Variants in CATSPERT observed in about 807,000 individuals in gnomAD.
The protein encoded by CATSPERT is catsper channel auxiliary subunit tau.
chr2:201,497,892 T>C, the CATSPERT span, among the ~76,000 whole-genome samples: 1 of 152,206 alleles, frequency 6.6e-6, no homozygotes, highest in East Asian at 1.9e-4. Context: ...GAAAGAACCA[T>C]GGCAATACTA....
At chr2:201,552,749 C>T in the CATSPERT span, 2 of 152,114 alleles carry the variant, frequency 1.3e-5, no homozygotes. Flanking sequence ...TTTGCAACAG[C>T]CTCAATTACA....
chr2:201,584,610 C>T, the CATSPERT span, among the ~76,000 whole-genome samples: 273 of 151,964 alleles, frequency 1.8e-3, no homozygotes, highest in African/African-American at 6.3e-3. Flanking sequence ...TGGTGAAACC[C>T]CATCTTTACT....
chr2:201,547,319 A>T, the CATSPERT span, among the ~76,000 whole-genome samples: 190 of 152,164 alleles, frequency 1.2e-3, no homozygotes, highest in African/African-American at 4.4e-3. Context: ...TAACTATTAA[A>T]CCCTATAAAT....
chr2:201,611,459 C>T, the CATSPERT span, among the ~76,000 whole-genome samples: 130 of 152,096 alleles, frequency 8.5e-4, no homozygotes, highest in Middle Eastern at 3.4e-3. Context: ...TGGGATGCTG[C>T]GAAAGCAGTT....
chr2:201,535,844 A>G, the CATSPERT span: 1 of 1,474,596 alleles, frequency 6.8e-7, no homozygotes, highest in Non-Finnish European at 8.9e-7. Context: ...CTTGAGCTCA[A>G]GGCCTTCTTT....
chr2:201,532,251 T>A, the CATSPERT span, among the ~76,000 whole-genome samples: 1 of 152,206 alleles, frequency 6.6e-6, no homozygotes. Flanking sequence ...TTTTTGAATA[T>A]AAGCTCCACA....
the CATSPERT span, chr2:201,536,160 G>C: frequency 6.2e-7 from 1 of 1,613,524 alleles, no homozygotes; most frequent in Non-Finnish European, 8.5e-7. Context: ...TATTCTGCCT[G>C]CTTTTATTGT....
the CATSPERT span, among the ~76,000 whole-genome samples, chr2:201,568,901 T>C: frequency 6.6e-6 from 1 of 152,192 alleles, no homozygotes; most frequent in Non-Finnish European, 1.5e-5. Context: ...AAATAACCAC[T>C]GGATATGTTC....
chr2:201,525,891 C>T, the CATSPERT span, among the ~76,000 whole-genome samples: 2 of 152,042 alleles, frequency 1.3e-5, no homozygotes, highest in East Asian at 3.8e-4. Context: ...TTCCTGGATA[C>T]ATACAACCTC....
At chr2:201,540,128 G>T in the CATSPERT span, among the ~76,000 whole-genome samples, 2 of 152,150 alleles carry the variant, frequency 1.3e-5, no homozygotes, top group African/African-American at 4.8e-5. Context: ...TGAGAGGTGA[G>T]GTGGCTGCAG....
At chr2:201,497,412 G>A in the CATSPERT span, among the ~76,000 whole-genome samples, 11 of 152,048 alleles carry the variant, frequency 7.2e-5, no homozygotes, top group African/African-American at 9.6e-5. Context: ...CACAGTTTAC[G>A]TTATAACATT....
chr2:201,497,038 G>T, the CATSPERT span, among the ~76,000 whole-genome samples: 1 of 152,194 alleles, frequency 6.6e-6, no homozygotes, highest in Non-Finnish European at 1.5e-5. Flanking sequence ...TACTTCAAAT[G>T]ACTTTCCTAT....
chr2:201,516,225 T>G, the CATSPERT span, among the ~76,000 whole-genome samples: 1 of 152,226 alleles, frequency 6.6e-6, no homozygotes, highest in Admixed American at 6.5e-5. Flanking sequence ...TATGGTCTTA[T>G]GGTACTGCCG....
At chr2:201,604,085 C>T in the CATSPERT span, among the ~76,000 whole-genome samples, 1 of 151,798 alleles carries the variant, frequency 6.6e-6, no homozygotes, top group Admixed American at 6.6e-5. Context: ...AACAGAATAA[C>T]AGATTTTTCT....
the CATSPERT span, among the ~76,000 whole-genome samples, chr2:201,609,912 C>A: frequency 6.6e-6 from 1 of 152,016 alleles, no homozygotes; most frequent in Non-Finnish European, 1.5e-5. Flanking sequence ...TGGCTTTTGA[C>A]CTTACTAAAG....
chr2:201,599,046 C>T, the CATSPERT span, among the ~76,000 whole-genome samples: 2 of 152,092 alleles, frequency 1.3e-5, no homozygotes, highest in African/African-American at 2.4e-5. Flanking sequence ...CTCAGCAACC[C>T]CCAAAAGGCC....
chr2:201,579,901 G>T, the CATSPERT span, among the ~76,000 whole-genome samples: 1 of 150,196 alleles, frequency 6.7e-6, no homozygotes, highest in Non-Finnish European at 1.5e-5. Flanking sequence ...ACCCAGGCTG[G>T]AGTGCAGTAG....
the CATSPERT span, among the ~76,000 whole-genome samples, chr2:201,534,084 C>CTATA: frequency 3.3e-4 from 48 of 146,098 alleles, no homozygotes; most frequent in African/African-American, 1.2e-3. Flanking sequence ...ATCTATCTAT[C>CTATA]TATCAAATCT....
At chr2:201,492,193 TTTTCTGAATGC>T in the CATSPERT span, 1 of 1,520,736 alleles carries the variant, frequency 6.6e-7, no homozygotes, top group South Asian at 1.2e-5. Context: ...TTTATTTTGC[TTTTCTGAATGC>T]TTCTCCACAA....
Sources: gnomAD v4.1 joint callset for allele counts (sites outside exome capture counted in the v4.1 genomes callset) on GRCh38, gnomAD v4.1.1 for gene constraint, MANE v1.5 for transcripts, NCBI Gene and HGNC (gene_info 2026-07-23, HGNC 2026-07-21) for gene names.